Variants in OR1J2 observed in about 807,000 individuals in gnomAD.
The protein encoded by OR1J2 is olfactory receptor family 1 subfamily J member 2, also known as olfactory receptor 1J2.
For synonymous variants in OR1J2, 142 were observed against 99.7 expected, an observed-to-expected ratio of 1.42 and a Z score of -2.52; for missense variants, 304 against 246.1, an observed-to-expected ratio of 1.24 and a Z score of -1.57.
chr9:122,524,345 C>T, the OR1J2 span, among the ~76,000 whole-genome samples: 1 of 152,276 alleles, frequency 6.6e-6, no homozygotes, highest in East Asian at 1.9e-4. Flanking sequence ...TGAAACATTT[C>T]TCAGAACATA....
At chr9:122,557,552 A>T in the OR1J2 span, among the ~76,000 whole-genome samples, 1 of 152,026 alleles carries the variant, frequency 6.6e-6, no homozygotes. Context: ...TCCTGAGATA[A>T]ATCCCACTTG....
the OR1J2 span, among the ~76,000 whole-genome samples, chr9:122,527,538 C>T: frequency 0.58 from 88,192 of 151,996 alleles, 27,520 homozygotes; most frequent in East Asian, 0.87. Flanking sequence ...GGCATATTCT[C>T]CCTTGGCATG....
the OR1J2 span, among the ~76,000 whole-genome samples, chr9:122,489,515 A>T: frequency 6.6e-6 from 1 of 152,022 alleles, no homozygotes; most frequent in Non-Finnish European, 1.5e-5. Context: ...TTTTTGTAAG[A>T]AGTTGTTTTG....
the OR1J2 span, chr9:122,567,381 G>A: frequency 1.9e-5 from 10 of 513,918 alleles, no homozygotes; most frequent in African/African-American, 5.8e-5. Context: ...AGAGATACAG[G>A]CCGAATTGTT....
At chr9:122,546,086 C>T in the OR1J2 span, among the ~76,000 whole-genome samples, 12 of 152,116 alleles carry the variant, frequency 7.9e-5, no homozygotes, top group Middle Eastern at 3.4e-3. Context: ...TGAGAGGAAC[C>T]GTACACAGGG....
the OR1J2 span, among the ~76,000 whole-genome samples, chr9:122,490,789 T>G: frequency 6.6e-6 from 1 of 152,206 alleles, no homozygotes; most frequent in Non-Finnish European, 1.5e-5. Context: ...AGAAGCCATA[T>G]TGAAGAATTT....
chr9:122,527,354 G>A, the OR1J2 span: 1 of 1,027,516 alleles, frequency 9.7e-7, no homozygotes, highest in Non-Finnish European at 1.4e-6. Flanking sequence ...ATCTACAACT[G>A]TGTGGGCTGA....
chr9:122,508,617 T>G (rs1828573445), upstream of OR1J2, among the ~76,000 whole-genome samples: 1 of 152,200 alleles, frequency 6.6e-6, no homozygotes, highest in Non-Finnish European at 1.5e-5. Context: ...AGGTAAGGAT[T>G]AGCTCTGCTG....
the OR1J2 span, among the ~76,000 whole-genome samples, chr9:122,536,847 T>C: frequency 2.1e-4 from 32 of 152,218 alleles, no homozygotes; most frequent in Admixed American, 1.1e-3. Flanking sequence ...TTGTTGACTT[T>C]GTCAAAGATC....
the OR1J2 span, among the ~76,000 whole-genome samples, chr9:122,470,882 C>G: frequency 6.6e-6 from 1 of 152,150 alleles, no homozygotes; most frequent in African/African-American, 2.4e-5. Context: ...CCTGTAGCCC[C>G]TTTGTTTTGG....
the OR1J2 span, among the ~76,000 whole-genome samples, chr9:122,577,063 A>G: frequency 3.3e-5 from 5 of 152,338 alleles, no homozygotes; most frequent in African/African-American, 1.2e-4. Context: ...AGGCAGGAAA[A>G]GGAGATACTT....
At chr9:122,449,732 G>T in the OR1J2 span, among the ~76,000 whole-genome samples, 8 of 152,084 alleles carry the variant, frequency 5.3e-5, no homozygotes, top group African/African-American at 1.9e-4. Flanking sequence ...ACTAGCAATT[G>T]CTGGTTATCC....
chr9:122,544,188 T>A, the OR1J2 span, among the ~76,000 whole-genome samples: 4 of 151,950 alleles, frequency 2.6e-5, no homozygotes, highest in Non-Finnish European at 5.9e-5. Context: ...AAAATTTTTT[T>A]AAATTTAATT....
chr9:122,539,712 C>G, the OR1J2 span, among the ~76,000 whole-genome samples: 28,010 of 152,120 alleles, frequency 0.18, 3,253 homozygotes, highest in Middle Eastern at 0.3. Context: ...AATGGTTGAA[C>G]TAGTTTACAG....
the OR1J2 span, among the ~76,000 whole-genome samples, chr9:122,503,194 AGTG>A: frequency 3.3e-5 from 5 of 152,226 alleles, no homozygotes; most frequent in African/African-American, 1.2e-4. Context: ...GATCTTGAAT[AGTG>A]GTAGTGGCTA....
the OR1J2 span, among the ~76,000 whole-genome samples, chr9:122,559,365 C>T: frequency 6.6e-6 from 1 of 151,820 alleles, no homozygotes; most frequent in Non-Finnish European, 1.5e-5. Flanking sequence ...AGGTTTGTTA[C>T]ACAGGTATAT....
At chr9:122,533,121 G>A in the OR1J2 span, among the ~76,000 whole-genome samples, 2 of 152,122 alleles carry the variant, frequency 1.3e-5, no homozygotes. Context: ...AAGCATGTTC[G>A]AGATCCAGAA....
At chr9:122,524,888 A>C in the OR1J2 span, among the ~76,000 whole-genome samples, 1 of 152,140 alleles carries the variant, frequency 6.6e-6, no homozygotes, top group Admixed American at 6.6e-5. Context: ...CTCTCCTAGG[A>C]GACCCTCTTC....
At chr9:122,539,732 C>T in the OR1J2 span, among the ~76,000 whole-genome samples, 1 of 152,204 alleles carries the variant, frequency 6.6e-6, no homozygotes, top group Non-Finnish European at 1.5e-5. Flanking sequence ...GTCCCACCAA[C>T]AGTGTAAGAG....
Sources: allele counts gnomAD v4.1 joint callset (sites outside exome capture counted in the v4.1 genomes callset), GRCh38; gene constraint gnomAD v4.1.1; transcripts MANE v1.5; gene names NCBI Gene and HGNC (gene_info 2026-07-23, HGNC 2026-07-21).